Variants in SPTLC3 observed in about 807,000 individuals in gnomAD.
SPTLC3 encodes serine palmitoyltransferase 3.
A neutral mutation model predicts 59.3 loss-of-function variants in SPTLC3; 36 were observed. That is an observed-to-expected ratio of 0.61 (90% CI 0.47 to 0.80). The LOEUF (loss-of-function observed/expected upper bound fraction) is 0.80, where lower values mean the gene tolerates loss of function less well. Ranked by LOEUF, SPTLC3 falls within the 30% of genes least tolerant of loss-of-function variation. The pLI, the probability that SPTLC3 is intolerant of heterozygous loss-of-function variation, is 0.00. For synonymous variants in SPTLC3, 257 were observed against 240.8 expected (o/e 1.07, Z -0.62); for missense variants, 625 against 685.1 (o/e 0.91, Z 0.98).
intron 1 of SPTLC3, 76 bp downstream of exon 1, chr20:13,009,460 T>TTAGAACTCTAA: frequency 7.6e-7 from 1 of 1,323,670 alleles, no homozygotes; most frequent in East Asian, 2.3e-5. Flanking sequence ...TATTTGAGGC[T>TTAGAACTCTAA]GTCCTAACTT....
At chr20:13,069,951 T>A (rs773919936) in intron 2 of SPTLC3, among the ~76,000 whole-genome samples, 1 of 152,128 alleles carries the variant, frequency 6.6e-6, no homozygotes, top group Non-Finnish European at 1.5e-5. Context: ...AGATTATTAT[T>A]TCAAATAAGA....
chr20:13,045,727 C>G (rs1171725960), intron 1 of SPTLC3, among the ~76,000 whole-genome samples: 6 of 152,076 alleles, frequency 3.9e-5, no homozygotes, highest in Admixed American at 3.9e-4. Flanking sequence ...TGTGTTATTA[C>G]TTGCTTCCAG....
At chr20:13,019,687 A>T (rs189661) in intron 1 of SPTLC3, among the ~76,000 whole-genome samples, 128,952 of 152,120 alleles carry the variant, frequency 0.85, 54,832 homozygotes, top group South Asian at 0.95. Context: ...CCAAACCACA[A>T]CTCTCAGATT....
chr20:13,040,367 CT>C (rs539292521), intron 1 of SPTLC3, among the ~76,000 whole-genome samples: 1,496 of 146,176 alleles, frequency 0.01, 10 homozygotes, highest in African/African-American at 0.023. Context: ...TGTATTTATA[CT>C]TTTTTTTTTT....
At chr20:13,127,532 G>A (rs1431036016) in intron 9 of SPTLC3, among the ~76,000 whole-genome samples, 1 of 152,234 alleles carries the variant, frequency 6.6e-6, no homozygotes, top group Non-Finnish European at 1.5e-5. Flanking sequence ...TTCAGTAGAA[G>A]TATGGGGTAC....
At chr20:13,147,797 T>C (rs2038549914) in intron 9 of SPTLC3, among the ~76,000 whole-genome samples, 1 of 152,222 alleles carries the variant, frequency 6.6e-6, no homozygotes, top group African/African-American at 2.4e-5. Flanking sequence ...ACAGTGGTCA[T>C]ATGCTAAATA....
At chr20:13,043,789 C>T (rs13041067) in intron 1 of SPTLC3, among the ~76,000 whole-genome samples, 13,470 of 152,252 alleles carry the variant, frequency 0.088, 666 homozygotes, top group Non-Finnish European at 0.11. Flanking sequence ...TGTCCTCTTC[C>T]CTACCACTAT....
At chr20:13,009,427 G>T in intron 1 of SPTLC3, 43 bp downstream of exon 1, 1 of 1,511,022 alleles carries the variant, frequency 6.6e-7, no homozygotes, top group East Asian at 2.3e-5. Context: ...TTACCTGAAC[G>T]TTTCAATATT....
At chr20:13,163,093 C>T (rs559843693) in intron 11 of SPTLC3, among the ~76,000 whole-genome samples, 1 of 152,070 alleles carries the variant, frequency 6.6e-6, no homozygotes, top group Admixed American at 6.6e-5. Flanking sequence ...AGAGGTCGGG[C>T]GCAGTGGCTC....
chr20:13,070,193 C>T (rs932962732), intron 2 of SPTLC3, among the ~76,000 whole-genome samples: 3 of 152,082 alleles, frequency 2.0e-5, no homozygotes, highest in African/African-American at 4.8e-5. Flanking sequence ...CATAACAAAA[C>T]CTACATCACA....
At chr20:13,127,252 T>C (rs111300235) in intron 9 of SPTLC3, among the ~76,000 whole-genome samples, 1 of 152,218 alleles carries the variant, frequency 6.6e-6, no homozygotes, top group African/African-American at 2.4e-5. Flanking sequence ...CCCAAATTAA[T>C]CCTCTTTTTG....
chr20:13,143,215 G>T (rs777495006), intron 9 of SPTLC3, among the ~76,000 whole-genome samples: 2 of 152,142 alleles, frequency 1.3e-5, no homozygotes, highest in Non-Finnish European at 2.9e-5. Context: ...TGTAGGTGCC[G>T]CAGGTCAGTT....
chr20:13,116,121 C>A (rs899673390), intron 7 of SPTLC3, among the ~76,000 whole-genome samples: 6 of 152,220 alleles, frequency 3.9e-5, no homozygotes, highest in Non-Finnish European at 8.8e-5. Context: ...ACCCAGTGAT[C>A]ATGATACTCT....
At chr20:13,063,680 G>T (rs1988062314) in intron 2 of SPTLC3, among the ~76,000 whole-genome samples, 1 of 141,518 alleles carries the variant, frequency 7.1e-6, no homozygotes, top group East Asian at 2.1e-4. Context: ...TTGAGACAGG[G>T]TCTCACTCTG....
chr20:13,140,327 C>A (rs948116320), intron 9 of SPTLC3, among the ~76,000 whole-genome samples: 1 of 152,166 alleles, frequency 6.6e-6, no homozygotes, highest in Non-Finnish European at 1.5e-5. Flanking sequence ...TCACTCAGCT[C>A]TCCTTGGGTA....
At chr20:13,051,627 A>G (rs1369656069) in intron 2 of SPTLC3, among the ~76,000 whole-genome samples, 2 of 152,234 alleles carry the variant, frequency 1.3e-5, no homozygotes, top group Non-Finnish European at 2.9e-5. Flanking sequence ...CAACAACCGC[A>G]GAATACACAT....
Position 13,165,377 on chromosome 20 carries a change from T to C in SPTLC3, c.*510T>C, listed in dbSNP as rs2038971005. The C allele has an allele frequency of 6.5e-6, 1 of 152,782 alleles. No individual in the cohort carries two copies. Among genetic ancestry groups the C allele is most frequent in the South Asian group, 2.1e-4 (1 of 4,858 alleles). The allele number at this position is 152,782 out of a possible 1,614,324, so 9.5% of individuals were successfully genotyped here. On this transcript the variant is annotated 3_prime_UTR_variant, in exon 12 of 12. Coordinates refer to ENST00000399002, the MANE Select transcript of SPTLC3 (RefSeq NM_018327.4). ...TTCCAGGCAGGAGGGTAAAGAAATGTTGTTTCTACCATTTGTCACATTTGG... is the reference window on the plus strand; with the variant it reads ...TTCCAGGCAGGAGGGTAAAGAAATGCTGTTTCTACCATTTGTCACATTTGG...
chr20:13,133,409 T>C (rs1016969862), intron 9 of SPTLC3, among the ~76,000 whole-genome samples: 1 of 152,104 alleles, frequency 6.6e-6, no homozygotes, highest in African/African-American at 2.4e-5. Flanking sequence ...CATTAATGGC[T>C]TGTGGATTTC....
At chr20:13,010,542 G>A (rs1985187552) in intron 1 of SPTLC3, among the ~76,000 whole-genome samples, 1 of 152,180 alleles carries the variant, frequency 6.6e-6, no homozygotes, top group Non-Finnish European at 1.5e-5. Context: ...AACGCTGGGA[G>A]GTGTCTATCA....
Sources: allele counts gnomAD v4.1 joint callset (sites outside exome capture counted in the v4.1 genomes callset), GRCh38; gene constraint gnomAD v4.1.1; transcripts MANE v1.5; gene names NCBI Gene and HGNC (gene_info 2026-07-23, HGNC 2026-07-21).